Variants in MYH11 observed in about 807,000 individuals in gnomAD.
The protein encoded by MYH11 is myosin heavy chain 11, also known as myosin-11.
In MYH11, 80 loss-of-function variants were observed where a neutral mutation model predicts 246.6. The ratio of observed to expected loss-of-function variants is 0.32; its 90% CI spans 0.27 to 0.39. The LOEUF is 0.39. Among genes scored for constraint, MYH11 ranks in the 10% least tolerant of loss-of-function variants. MYH11 has a pLI of 1.00. For missense variants in MYH11, 2,158 were observed against 2,546.8 expected, an observed-to-expected ratio of 0.85 and a Z score of 3.29; for synonymous variants, 1,071 against 1,015.5, an observed-to-expected ratio of 1.05 and a Z score of -1.04.
rs201220616 is a variant in MYH11 at position 15,735,407 on chromosome 16, C to T, written c.3465G>A (p.Leu1155=). 17 of 1,613,998 alleles carry T rather than the reference C, an allele frequency of 1.1e-5. No individual in the cohort carries two copies. Among genetic ancestry groups the T allele is most frequent in the Non-Finnish European group, 1.4e-5 (17 of 1,180,016 alleles). The change falls in exon 26 of 41, where the codon CTG becomes CTA. Residue 1155 remains leucine, a synonymous_variant. Coordinates refer to ENST00000300036, the MANE Select transcript of MYH11 (RefSeq NM_002474.3). ...TGGCTGTGCTGTCCAGTGTGTCTTC[C>T]AGCTCTGTCTTTAGGGCCTCCAGCT... ...GEELEALKTE[L]EDTLDSTATQ... is the part of the protein sequence containing the mutation.
At position 15,718,308 on chromosome 16, in the gene MYH11, C is replaced by T; in HGVS notation, c.5295+7G>A. On this transcript the variant is annotated splice_region_variant and intron_variant, in intron 37 of 40. Coordinates refer to ENST00000300036, the MANE Select transcript of MYH11 (RefSeq NM_002474.3). Reference sequence around the variant, plus strand: ...CAGCGTGACTGTGGTGTCCAGGCGGCCCTCACCTGCTGTGTGGCTTTGCGG... The same window carrying T: ...CAGCGTGACTGTGGTGTCCAGGCGGTCCTCACCTGCTGTGTGGCTTTGCGG... 1 of 1,608,398 alleles carries T rather than the reference C, an allele frequency of 6.2e-7. No individual in the cohort carries two copies.
chr16:15,703,777 G>T lies in MYH11; in HGVS notation c.*214C>A. ...CTTATTTTTAAATTCTTGTATAGAT[G>T]AGGTTTTACTACGTTGCCCAGGCTG... On this transcript the variant is annotated 3_prime_UTR_variant, in exon 41 of 41. Coordinates refer to ENST00000300036, the MANE Select transcript of MYH11 (RefSeq NM_002474.3). The T allele has an allele frequency of 1.6e-6, 1 of 638,918 alleles. No homozygotes were observed. Among genetic ancestry groups the T allele is most frequent in the South Asian group, 1.6e-5 (1 of 61,300 alleles). The allele number at this position is 638,918 out of a possible 1,614,324, so 39.6% of individuals were successfully genotyped here.
chr16:15,798,634 A>G lies in MYH11; in HGVS notation c.530+26T>C, dbSNP rs1025053023. The G allele has an allele frequency of 1.2e-5, 18 of 1,551,262 alleles. No individual in the cohort carries two copies. The Admixed American group carries it at 3.3e-4, about 28-fold the overall frequency. On this transcript the variant is annotated intron_variant, in intron 4 of 40. Transcript: ENST00000300036. ...AAAAAAAAAAAAAAACAAAAAAAAA[A>G]CAGAAGAAAAAGCAGTTCCACTTAC...
intron 3 of MYH11, among the ~76,000 whole-genome samples, chr16:15,816,542 A>G (rs988943957): frequency 6.6e-6 from 1 of 152,200 alleles, no homozygotes; most frequent in Non-Finnish European, 1.5e-5. Context: ...TAAACTCTAG[A>G]TAGCATTACA....
Position 15,725,006 on chromosome 16 carries a change from G to T in MYH11, c.3859-14C>A, listed in dbSNP as rs763714252. 43 of 1,611,902 alleles carry T rather than the reference G, an allele frequency of 2.7e-5. 1 individual carries two copies. In the South Asian group the frequency reaches 4.7e-4, roughly 18 times the overall value. On this transcript the variant is annotated splice_polypyrimidine_tract_variant and intron_variant, in intron 28 of 40. Transcript: ENST00000300036. ...CTCAACTTCATTCTAAGGGTGCCAAGAGACTGGTTAGTCAAAGCCTCTAGA... is the reference window on the plus strand; with the variant it reads ...CTCAACTTCATTCTAAGGGTGCCAATAGACTGGTTAGTCAAAGCCTCTAGA...
At chr16:15,747,834 G>T in intron 18 of MYH11, 40 bp downstream of exon 18, 1 of 1,613,344 alleles carries the variant, frequency 6.2e-7, no homozygotes, top group African/African-American at 1.3e-5. Flanking sequence ...GTGGCTTGCG[G>T]CCAGAGGTTG....
intron 5 of MYH11, chr16:15,783,527 A>G (rs2042402371): frequency 6.6e-6 from 1 of 152,238 alleles, no homozygotes; most frequent in Admixed American, 6.5e-5. Context: ...TGTAGCTCCC[A>G]GAGAAAGATG....
At chr16:15,832,453 G>C (rs908120566) in intron 2 of MYH11, among the ~76,000 whole-genome samples, 1 of 152,150 alleles carries the variant, frequency 6.6e-6, no homozygotes, top group Non-Finnish European at 1.5e-5. Context: ...CCTGGGAGAC[G>C]ACAGGGAGTG....
rs776046304 is a variant in MYH11 at position 15,786,508 on chromosome 16, G to A, written c.633+122C>T. 32 of 963,990 alleles carry A rather than the reference G, an allele frequency of 3.3e-5. No homozygotes were observed. In the African/African-American group the frequency reaches 4.6e-4, roughly 14 times the overall value. 59.7% of individuals were successfully genotyped at this position (963,990 alleles called of 1,614,324 possible). On this transcript the variant is annotated intron_variant, in intron 5 of 40. Coordinates refer to ENST00000300036, the MANE Select transcript of MYH11 (RefSeq NM_002474.3). ...AAGACGGTCCCTCTTTGAGTCTTCA[G>A]GGGAGGGGTAGTCAGATGGGGCCTG...
chr16:15,767,470 TG>T (rs2042008227), intron 9 of MYH11, among the ~76,000 whole-genome samples: 1 of 152,118 alleles, frequency 6.6e-6, no homozygotes, highest in South Asian at 2.1e-4. Context: ...TGGCCTAATT[TG>T]GGGGGTTACA....
chr16:15,809,347 C>G (rs1206088987), intron 3 of MYH11, among the ~76,000 whole-genome samples: 1 of 151,958 alleles, frequency 6.6e-6, no homozygotes, highest in Non-Finnish European at 1.5e-5. Flanking sequence ...GCCTGGGCAA[C>G]ATAATGAGAC....
chr16:15,760,590 G>C lies in MYH11; in HGVS notation c.1198C>G (p.Arg400Gly). Residue 400 changes from arginine (R) to glycine (G), a missense_variant, in exon 11 of 41, where the codon CGT becomes GGT. Physicochemically the swap from Arg to Gly is moderately radical, Grantham distance 125 (BLOSUM62 -2). Coordinates refer to ENST00000300036, the MANE Select transcript of MYH11 (RefSeq NM_002474.3). ...ACCACATCTCGCCCAACCTTGATAC[G>C]AGGAGTGAGGATGGATCTGGTGAAA... ...TDFTRSILTP[R>G]IKVGRDVVQK... The C allele has an allele frequency of 2.5e-6, 4 of 1,614,180 alleles. No individual in the cohort carries two copies. In the South Asian group the frequency reaches 4.4e-5, roughly 18 times the overall value.
chr16:15,744,054 T>G lies in MYH11; in HGVS notation c.2520+1075A>C, dbSNP rs1442876425. Among the ~76,000 whole-genome samples the G allele has an allele frequency of 2.6e-5, 4 of 151,860 alleles. No individual in the cohort carries two copies. The East Asian group carries it at 5.8e-4, about 22-fold the overall frequency. On this transcript the variant is annotated intron_variant, in intron 20 of 40. Coordinates refer to ENST00000300036, the MANE Select transcript of MYH11 (RefSeq NM_002474.3). Reference sequence around the variant, plus strand: ...GGGAGCCTGAAGCAGGAGGGTTGCTTGAGGTCAGGAGTTCAAGACCAGCCT... The same window carrying G: ...GGGAGCCTGAAGCAGGAGGGTTGCTGGAGGTCAGGAGTTCAAGACCAGCCT...
intron 10 of MYH11, 55 bp downstream of exon 10, chr16:15,763,741 T>TGGGGCCCCCCCCCCCCC: frequency 1.2e-5 from 8 of 646,812 alleles, no homozygotes; most frequent in African/African-American, 2.1e-5. Context: ...AAATGTCACC[T>TGGGGCCCCCCCCCCCCC]CCCCCACCCC....
intron 29 of MYH11, 36 bp from the exon 30 acceptor site, chr16:15,724,835 C>T (rs1336163869): frequency 6.2e-7 from 1 of 1,613,486 alleles, no homozygotes; most frequent in African/African-American, 1.3e-5. Flanking sequence ...CAGGGACCTG[C>T]CCCGAGGAAG....
chr16:15,821,530 T>C (rs1204315839), intron 3 of MYH11, among the ~76,000 whole-genome samples: 1 of 152,150 alleles, frequency 6.6e-6, no homozygotes, highest in Non-Finnish European at 1.5e-5. Context: ...TGCTTACCCA[T>C]CTGTCGCTCC....
intron 4 of MYH11, among the ~76,000 whole-genome samples, chr16:15,798,160 T>G (rs1010512340): frequency 1.1e-4 from 17 of 152,328 alleles, no homozygotes; most frequent in African/African-American, 4.1e-4. Context: ...TCTCAATGAT[T>G]CTAAAATTGA....
intron 22 of MYH11, chr16:15,741,006 AG>A (rs1331040745): frequency 1.0e-5 from 3 of 301,212 alleles, no homozygotes; most frequent in Non-Finnish European, 1.9e-5. Context: ...GAATAAGCCA[AG>A]TAGAAGTGGG....
chr16:15,784,642 T>C (rs1220301052), intron 5 of MYH11: 4 of 1,601,598 alleles, frequency 2.5e-6, no homozygotes, highest in Non-Finnish European at 3.4e-6. Flanking sequence ...ATCATGCAGA[T>C]CTAAGTTCAC....
Sources: gnomAD v4.1 joint callset for allele counts (sites outside exome capture counted in the v4.1 genomes callset) on GRCh38, gnomAD v4.1.1 for gene constraint, MANE v1.5 for transcripts, NCBI Gene and HGNC (gene_info 2026-07-23, HGNC 2026-07-21) for gene names.